The following ACOT12 variants were observed in gnomAD, a reference collection of about 807,000 sequenced individuals.
ACOT12 encodes acyl-CoA thioesterase 12.
ACOT12 carries 51 observed loss-of-function variants against 67.7 expected under a neutral mutation model. The ratio of observed to expected loss-of-function variants is 0.75; its 90% CI spans 0.60 to 0.95. The LOEUF (loss-of-function observed/expected upper bound fraction) is 0.95. Ranked by LOEUF, ACOT12 falls within the 40% of genes least tolerant of loss-of-function variation. The pLI, the probability that ACOT12 is intolerant of heterozygous loss-of-function variation, is 0.00. For synonymous variants in ACOT12, 251 were observed against 244.6 expected (o/e 1.03, Z -0.24); for missense variants, 734 against 708.1 (o/e 1.04, Z -0.41).
intron 2 of ACOT12, 91 bp downstream of exon 2, chr5:81,385,666 C>G: frequency 8.5e-7 from 1 of 1,181,234 alleles, no homozygotes; most frequent in Admixed American, 1.9e-5. Context: ...AGATCACTAC[C>G]TCTGCCTGAA....
intron 13 of ACOT12, among the ~76,000 whole-genome samples, chr5:81,331,403 GGC>G (rs1758822623): frequency 6.6e-6 from 1 of 152,150 alleles, no homozygotes; most frequent in Non-Finnish European, 1.5e-5. Flanking sequence ...TGACCATGGT[GGC>G]GCATGCCTGT....
chr5:81,352,569 T>C (rs1050002446), intron 5 of ACOT12, among the ~76,000 whole-genome samples: 3 of 151,946 alleles, frequency 2.0e-5, no homozygotes, highest in Admixed American at 1.3e-4. Context: ...ACAATTGAAC[T>C]CATGGAGATA....
intron 1 of ACOT12, among the ~76,000 whole-genome samples, chr5:81,392,259 A>C (rs1760886310): frequency 4.6e-5 from 7 of 152,168 alleles, no homozygotes; most frequent in Admixed American, 4.6e-4. Context: ...CAGAGAAATC[A>C]GTTTTATATT....
intron 5 of ACOT12, among the ~76,000 whole-genome samples, chr5:81,357,368 C>T (rs573761796): frequency 3.7e-4 from 57 of 152,286 alleles, no homozygotes; most frequent in African/African-American, 1.3e-3. Flanking sequence ...AGGTTCCTGG[C>T]ACATGACAGG....
downstream of ACOT12, among the ~76,000 whole-genome samples, chr5:81,326,185 G>A (rs10055063): frequency 0.18 from 26,780 of 146,466 alleles, 2,619 homozygotes; most frequent in Admixed American, 0.27. Flanking sequence ...GAGTGCATTG[G>A]CATGATCTCG....
At chr5:81,369,165 A>C (rs1004450954) in intron 3 of ACOT12, among the ~76,000 whole-genome samples, 5 of 152,180 alleles carry the variant, frequency 3.3e-5, no homozygotes, top group Non-Finnish European at 7.4e-5. Flanking sequence ...AAAAAAAAAA[A>C]AACTCACACT....
At chr5:81,390,806 A>C (rs1201306061) in intron 1 of ACOT12, among the ~76,000 whole-genome samples, 1 of 152,134 alleles carries the variant, frequency 6.6e-6, no homozygotes, top group Non-Finnish European at 1.5e-5. Context: ...ATTTTTAATT[A>C]TATTATTGAG....
intron 8 of ACOT12, 42 bp downstream of exon 8, chr5:81,344,849 T>C (rs1426608436): frequency 1.2e-6 from 2 of 1,610,126 alleles, no homozygotes; most frequent in Non-Finnish European, 8.5e-7. Context: ...GAGCTCTCTA[T>C]TCACAGGTCC....
At position 81,386,994 on chromosome 5, in the gene ACOT12, C is replaced by CTTTTTTTTTTTTTTTTTTTTTTTTTT. The variant is rs1052387807; in HGVS notation, c.128-1169_128-1168insAAAAAAAAAAAAAAAAAAAAAAAAAA. Among the ~76,000 whole-genome samples, 3 of 128,480 alleles carry CTTTTTTTTTTTTTTTTTTTTTTTTTT rather than the reference C, an allele frequency of 2.3e-5. 1 individual carries two copies. The highest frequency in any genetic ancestry group is 1.6e-5 in the Non-Finnish European group (1 of 63,532). 84.3% of individuals were successfully genotyped at this position (128,480 alleles called of 152,430 possible). ...TCCAGACACTGAGTTGGATGAGTTCCATTTTTTTTTTTTTTTTTTTTTTTC... is the reference window on the plus strand; with the variant it reads ...TCCAGACACTGAGTTGGATGAGTTCCTTTTTTTTTTTTTTTTTTTTTTTTTTATTTTTTTTTTTTTTTTTTTTTTTC... On this transcript the variant is annotated intron_variant, in intron 1 of 14. Coordinates refer to ENST00000307624, the MANE Select transcript of ACOT12 (RefSeq NM_130767.3).
intron 3 of ACOT12, among the ~76,000 whole-genome samples, chr5:81,365,989 G>T (rs887783757): frequency 7.2e-5 from 11 of 152,194 alleles, no homozygotes; most frequent in African/African-American, 2.4e-4. Context: ...TGAGGAACAA[G>T]CAATTCCTGG....
At chr5:81,380,824 G>T (rs2153858464) in intron 2 of ACOT12, among the ~76,000 whole-genome samples, 1 of 152,216 alleles carries the variant, frequency 6.6e-6, no homozygotes, top group Non-Finnish European at 1.5e-5. Context: ...TGTGTTCTGA[G>T]AAATGCTTCA....
intron 5 of ACOT12, among the ~76,000 whole-genome samples, chr5:81,348,682 G>A (rs1406391081): frequency 3.3e-5 from 5 of 152,044 alleles, no homozygotes; most frequent in Admixed American, 6.6e-5. Flanking sequence ...CTCCTGCCTC[G>A]GCCTCCCGAG....
chr5:81,319,260 T>A, the ACOT12 span, among the ~76,000 whole-genome samples: 129 of 152,384 alleles, frequency 8.5e-4, no homozygotes, highest in African/African-American at 3.0e-3. Flanking sequence ...TTCTCCCTGT[T>A]GGAAAGCTGT....
chr5:81,334,184 A>G (rs1758920376), intron 12 of ACOT12, among the ~76,000 whole-genome samples: 1 of 152,186 alleles, frequency 6.6e-6, no homozygotes, highest in Non-Finnish European at 1.5e-5. Flanking sequence ...CCCATCCTCC[A>G]AGGCCACGCG....
chr5:81,344,680 G>A (rs572159123), intron 8 of ACOT12, among the ~76,000 whole-genome samples: 1 of 152,256 alleles, frequency 6.6e-6, no homozygotes, highest in South Asian at 2.1e-4. Flanking sequence ...CCCGGTAGAG[G>A]TGAGGTCTTC....
chr5:81,350,341 C>G (rs1554054186), intron 5 of ACOT12, among the ~76,000 whole-genome samples: 3 of 152,014 alleles, frequency 2.0e-5, no homozygotes, highest in Non-Finnish European at 4.4e-5. Context: ...TCTAGGTTAT[C>G]TTTTTTGTTG....
intron 2 of ACOT12, among the ~76,000 whole-genome samples, chr5:81,375,305 AC>A (rs1253196614): frequency 2.0e-5 from 3 of 152,124 alleles, no homozygotes; most frequent in Admixed American, 6.6e-5. Context: ...AGACACTGTC[AC>A]CCCCAGGGCT....
chr5:81,323,940 G>GTGTA, the ACOT12 span, among the ~76,000 whole-genome samples: 5 of 132,518 alleles, frequency 3.8e-5, no homozygotes, highest in Non-Finnish European at 8.6e-5. Flanking sequence ...ACATATATGT[G>GTGTA]TATATATATA....
chr5:81,353,784 A>C (rs901490310), intron 5 of ACOT12, among the ~76,000 whole-genome samples: 1 of 152,198 alleles, frequency 6.6e-6, no homozygotes, highest in African/African-American at 2.4e-5. Flanking sequence ...CACTGTTCTA[A>C]TAATATGCAT....
Sources: allele counts gnomAD v4.1 joint callset (sites outside exome capture counted in the v4.1 genomes callset), GRCh38; gene constraint gnomAD v4.1.1; transcripts MANE v1.5; gene names NCBI Gene and HGNC (gene_info 2026-07-23, HGNC 2026-07-21).